ADAMTS12: variants seen among roughly 807,000 people sequenced by gnomAD.
The protein encoded by ADAMTS12 is ADAM metallopeptidase with thrombospondin type 1 motif 12.
ADAMTS12 carries 118 observed loss-of-function variants against 167.8 expected under a neutral mutation model. The ratio of observed to expected loss-of-function variants is 0.70; its 90% CI spans 0.61 to 0.82. ADAMTS12 has a LOEUF of 0.82. ADAMTS12 is among the 40% of genes least tolerant of loss of function. ADAMTS12 has a pLI of 0.00. For missense variants in ADAMTS12, 1,916 were observed against 1,998.8 expected (o/e 0.96, Z 0.79); for synonymous variants, 704 against 716.9 (o/e 0.98, Z 0.29).
intron 3 of ADAMTS12, among the ~76,000 whole-genome samples, chr5:33,735,807 T>C (rs1744352996): frequency 6.6e-6 from 1 of 152,178 alleles, no homozygotes; most frequent in Non-Finnish European, 1.5e-5. Context: ...GGAAACCTCT[T>C]CTATTGCTGG....
chr5:33,883,316 G>GTTTTTTTTTTTTGTT (rs143214106), intron 1 of ADAMTS12, among the ~76,000 whole-genome samples: 1 of 125,760 alleles, frequency 8.0e-6, no homozygotes, highest in African/African-American at 3.0e-5. Flanking sequence ...TGTTTGTTTG[G>GTTTTTTTTTTTTGTT]TTTTTTTTTT....
In ADAMTS12 at chr5:33,858,536, T is replaced by C. The variant is rs574005324; in HGVS notation, c.489+22583A>G. On this transcript the variant is annotated intron_variant, in intron 2 of 23. Coordinates refer to ENST00000504830, the MANE Select transcript of ADAMTS12 (RefSeq NM_030955.4). ...AGCCAGGTGTGGTGTTGCACACCAG[T>C]AGTCGCAGCAACTTGGAAGGCTGAG... 6.6e-5 allele frequency among the ~76,000 whole-genome samples: 10 copies of C among 151,866 alleles called. 1 individual carries two copies. Among genetic ancestry groups the C allele is most frequent in the South Asian group, 6.2e-4 (3 of 4,822 alleles).
chr5:33,612,677 T>A (rs1486592258), intron 16 of ADAMTS12, among the ~76,000 whole-genome samples: 1 of 152,126 alleles, frequency 6.6e-6, no homozygotes, highest in Non-Finnish European at 1.5e-5. Flanking sequence ...CAAGGGAAAT[T>A]TTTTTCACCC....
At chr5:33,851,465 C>A (rs1749218702) in intron 2 of ADAMTS12, among the ~76,000 whole-genome samples, 1 of 152,098 alleles carries the variant, frequency 6.6e-6, no homozygotes, top group Non-Finnish European at 1.5e-5. Flanking sequence ...AAATTTGAAT[C>A]TCTTTATTGA....
Position 33,835,945 on chromosome 5 carries a change from CTCTCTCTCTGTGTGTG to C in ADAMTS12, c.489+45158_489+45173del, listed in dbSNP as rs1459158955. 2.9e-3 allele frequency among the ~76,000 whole-genome samples: 123 copies of C among 42,000 alleles called. 3 individuals carry two copies. Among genetic ancestry groups the C allele is most frequent in the African/African-American group, 8.2e-3 (112 of 13,656 alleles). The allele number at this position is 42,000 out of a possible 152,430, so 27.6% of individuals were successfully genotyped here. On this transcript the variant is annotated intron_variant, in intron 2 of 23. Transcript: ENST00000504830. ...TCTCTCTCTCTCTCTCTCTCTCTCT[CTCTCTCTCTGTGTGTG>C]TGTGTGTGTCCATCTGGGCAGTTTA...
At chr5:33,790,803 A>G (rs1188887008) in intron 2 of ADAMTS12, among the ~76,000 whole-genome samples, 1 of 146,236 alleles carries the variant, frequency 6.8e-6, no homozygotes, top group African/African-American at 2.6e-5. Context: ...ATATATATAT[A>G]TATATATGCA....
chr5:33,538,698 G>A (rs1744533360), intron 22 of ADAMTS12, among the ~76,000 whole-genome samples: 2 of 152,150 alleles, frequency 1.3e-5, no homozygotes, highest in South Asian at 2.1e-4. Context: ...TCCTGTGAGA[G>A]CCAGCAGTCA....
intron 2 of ADAMTS12, among the ~76,000 whole-genome samples, chr5:33,832,640 C>T (rs1293766749): frequency 1.3e-5 from 2 of 152,162 alleles, no homozygotes; most frequent in East Asian, 3.8e-4. Flanking sequence ...AGAGAATTTC[C>T]ACCAGGCACT....
intron 2 of ADAMTS12, among the ~76,000 whole-genome samples, chr5:33,870,644 G>C (rs974504982): frequency 2.0e-5 from 3 of 152,158 alleles, no homozygotes; most frequent in East Asian, 3.8e-4. Context: ...GATATGGTTT[G>C]GATTTGTGTC....
intron 3 of ADAMTS12, among the ~76,000 whole-genome samples, chr5:33,727,457 T>C (rs571091001): frequency 6.6e-6 from 1 of 152,350 alleles, no homozygotes; most frequent in Non-Finnish European, 1.5e-5. Flanking sequence ...CCAAAGCAAA[T>C]GAAGCATTAG....
intron 2 of ADAMTS12, among the ~76,000 whole-genome samples, chr5:33,811,887 G>A (rs764325974): frequency 6.6e-6 from 1 of 152,154 alleles, no homozygotes; most frequent in African/African-American, 2.4e-5. Flanking sequence ...ATCTACACCC[G>A]TGCTGAAGGC....
intron 7 of ADAMTS12, among the ~76,000 whole-genome samples, chr5:33,656,364 G>A (rs1373035238): frequency 6.6e-6 from 1 of 152,166 alleles, no homozygotes; most frequent in Non-Finnish European, 1.5e-5. Context: ...AATCTGGAAG[G>A]AGGATCATAC....
intron 3 of ADAMTS12, among the ~76,000 whole-genome samples, chr5:33,736,957 A>G (rs147421552): frequency 3.3e-5 from 5 of 152,300 alleles, no homozygotes; most frequent in Non-Finnish European, 5.9e-5. Flanking sequence ...TTCACTGTAA[A>G]AGCATCCTCC....
chr5:33,629,108 C>A (rs1459865745), intron 13 of ADAMTS12, among the ~76,000 whole-genome samples: 2 of 152,284 alleles, frequency 1.3e-5, no homozygotes, highest in East Asian at 3.9e-4. Context: ...AAAATCTCCC[C>A]TGGTGATTAT....
chr5:33,767,336 T>C (rs1004473934), intron 2 of ADAMTS12, among the ~76,000 whole-genome samples: 2 of 152,218 alleles, frequency 1.3e-5, no homozygotes, highest in Admixed American at 6.5e-5. Context: ...ACATCAGATA[T>C]ATATTTCTTT....
intron 11 of ADAMTS12, among the ~76,000 whole-genome samples, chr5:33,639,873 C>A (rs565191483): frequency 1.4e-4 from 21 of 152,324 alleles, no homozygotes; most frequent in African/African-American, 5.0e-4. Flanking sequence ...TTCTGTTCCT[C>A]ACTCATGAAA....
chr5:33,558,330 C>G (rs1745578366), intron 20 of ADAMTS12, among the ~76,000 whole-genome samples: 1 of 152,034 alleles, frequency 6.6e-6, no homozygotes, highest in South Asian at 2.1e-4. Context: ...TATCTATTAT[C>G]TAATAAAAGA....
chr5:33,714,926 T>C (rs1378928470), intron 3 of ADAMTS12, among the ~76,000 whole-genome samples: 2 of 152,050 alleles, frequency 1.3e-5, no homozygotes, highest in African/African-American at 4.8e-5. Context: ...TATTGTATAC[T>C]TCAAAACAAC....
intron 2 of ADAMTS12, among the ~76,000 whole-genome samples, chr5:33,847,575 A>T (rs1748991402): frequency 2.6e-5 from 4 of 152,062 alleles, no homozygotes; most frequent in Admixed American, 2.6e-4. Flanking sequence ...GTGAGCCGAG[A>T]TCGCGCCATT....
Sources: allele counts gnomAD v4.1 joint callset (sites outside exome capture counted in the v4.1 genomes callset), GRCh38; gene constraint gnomAD v4.1.1; transcripts MANE v1.5; gene names NCBI Gene and HGNC (gene_info 2026-07-23, HGNC 2026-07-21).